SLC25A26: variants seen among roughly 807,000 people sequenced by gnomAD.
SLC25A26 encodes solute carrier family 25 member 26.
SLC25A26 carries 36 observed loss-of-function variants against 37.8 expected under a neutral mutation model. The ratio of observed to expected loss-of-function variants is 0.95; its 90% CI spans 0.73 to 1.26. The LOEUF is 1.26. Ranked by LOEUF, SLC25A26 falls within the 50% of genes most tolerant of loss-of-function variation. The pLI, the probability that SLC25A26 is intolerant of heterozygous loss-of-function variation, is 0.00. For missense variants in SLC25A26, 390 were observed against 331.1 expected, an observed-to-expected ratio of 1.18 and a Z score of -1.38; for synonymous variants, 129 against 122.5, an observed-to-expected ratio of 1.05 and a Z score of -0.35.
intron 1 of SLC25A26, among the ~76,000 whole-genome samples, chr3:66,193,148 AT>A (rs2106795072): frequency 6.6e-6 from 1 of 152,284 alleles, no homozygotes; most frequent in African/African-American, 2.4e-5. Context: ...TTTATTTAGT[AT>A]ACTGACAATT....
chr3:66,341,051 A>C (rs941541821), intron 5 of SLC25A26, among the ~76,000 whole-genome samples: 1 of 151,838 alleles, frequency 6.6e-6, no homozygotes, highest in African/African-American at 2.4e-5. Context: ...TTTGCTTTTT[A>C]TTTCTTTTAT....
chr3:66,144,208 G>A (rs888802574), intron 1 of SLC25A26, among the ~76,000 whole-genome samples: 1 of 152,028 alleles, frequency 6.6e-6, no homozygotes, highest in Admixed American at 6.6e-5. Context: ...TCCAAGCAGA[G>A]GGAAGAGACT....
chr3:66,257,319 A>G (rs939980904), intron 3 of SLC25A26, among the ~76,000 whole-genome samples: 5 of 152,184 alleles, frequency 3.3e-5, no homozygotes, highest in African/African-American at 1.2e-4. Context: ...ATAAATATAT[A>G]CATTATTATT....
At chr3:66,201,748 T>G (rs1396423329) in intron 1 of SLC25A26, among the ~76,000 whole-genome samples, 1 of 152,236 alleles carries the variant, frequency 6.6e-6, no homozygotes, top group Non-Finnish European at 1.5e-5. Flanking sequence ...GAATTGATGT[T>G]GCTGAGACAT....
At chr3:66,236,206 C>CTTT in intron 1 of SLC25A26, among the ~76,000 whole-genome samples, 1 of 82,908 alleles carries the variant, frequency 1.2e-5, no homozygotes, top group Admixed American at 1.3e-4. Context: ...CACATCTGGA[C>CTTT]TTTTTTTTTT....
intron 1 of SLC25A26, among the ~76,000 whole-genome samples, chr3:66,221,471 G>A (rs892378258): frequency 4.6e-5 from 7 of 152,186 alleles, no homozygotes; most frequent in African/African-American, 9.7e-5. Context: ...TTAAAGAAAT[G>A]TATGTAACAC....
rs141648208 is a variant in SLC25A26 at position 66,181,480 on chromosome 3, G to A, written c.-353-39262G>A. On this transcript the variant is annotated intron_variant, in intron 1 of 10. Coordinates refer to the SLC25A26 transcript ENST00000676754. ...GCAAACGGCACCCTAAAAAATGCTA[G>A]CTACGACACTGAGCACCTCATTTGT... 4.2e-3 allele frequency among the ~76,000 whole-genome samples: 646 copies of A among 152,302 alleles called. 4 individuals are homozygous for A. The highest frequency in any genetic ancestry group is 0.015 in the African/African-American group (616 of 41,566).
At chr3:66,345,172 C>A (rs1036585758) in intron 5 of SLC25A26, among the ~76,000 whole-genome samples, 8 of 152,124 alleles carry the variant, frequency 5.3e-5, no homozygotes, top group African/African-American at 1.9e-4. Flanking sequence ...ACGCATGACT[C>A]TCCTCCCTAG....
chr3:66,175,140 T>TACACACACACACAC (rs1227038410), intron 1 of SLC25A26, among the ~76,000 whole-genome samples: 1 of 67,048 alleles, frequency 1.5e-5, no homozygotes, highest in African/African-American at 6.4e-5. Flanking sequence ...TATATATATA[T>TACACACACACACAC]ACACACACAC....
intron 1 of SLC25A26, among the ~76,000 whole-genome samples, chr3:66,208,907 T>C (rs2071223361): frequency 7.9e-6 from 1 of 126,364 alleles, no homozygotes; most frequent in South Asian, 2.5e-4. Context: ...TGGGTATATA[T>C]ATATAAATGT....
intron 7 of SLC25A26, among the ~76,000 whole-genome samples, chr3:66,364,300 GGAGT>G (rs1287417083): frequency 3.3e-5 from 5 of 152,288 alleles, no homozygotes; most frequent in South Asian, 2.1e-4. Flanking sequence ...ACTGTCAGAA[GGAGT>G]GAGAGAAGGG....
At chr3:66,198,414 T>G (rs1426527140) in intron 1 of SLC25A26, among the ~76,000 whole-genome samples, 1 of 152,068 alleles carries the variant, frequency 6.6e-6, no homozygotes, top group Non-Finnish European at 1.5e-5. Context: ...CCATTTACTC[T>G]TGACCCTCAT....
chr3:66,366,959 C>T (rs1333861770), intron 7 of SLC25A26, among the ~76,000 whole-genome samples: 1 of 152,212 alleles, frequency 6.6e-6, no homozygotes, highest in African/African-American at 2.4e-5. Context: ...TAGTGCATTC[C>T]TGGCATGCCA....
At chr3:66,337,224 G>A (rs965321885) in intron 5 of SLC25A26, among the ~76,000 whole-genome samples, 1 of 152,078 alleles carries the variant, frequency 6.6e-6, no homozygotes, top group Non-Finnish European at 1.5e-5. Context: ...ATTTCTTTGT[G>A]TTCTGATATA....
At chr3:66,182,714 G>A (rs933593366) in intron 1 of SLC25A26, among the ~76,000 whole-genome samples, 4 of 95,446 alleles carry the variant, frequency 4.2e-5, no homozygotes, top group Admixed American at 1.3e-4. Flanking sequence ...TGCAGTGGGC[G>A]GCGGGGGGGG....
rs1441404165 is a variant in SLC25A26, at chr3:66,295,978, ATGGTGGCAGGCACCTG to A, written c.453+32601_453+32616del. Among the ~76,000 whole-genome samples the A allele has an allele frequency of 2.0e-5, 3 of 152,014 alleles. No individual in the cohort carries two copies. The East Asian group carries it at 5.9e-4, about 30-fold the overall frequency. On this transcript the variant is annotated intron_variant, in intron 5 of 9. Transcript: ENST00000354883. Reference sequence around the variant, plus strand: ...ATAAAAATACAAAAATTAGCTGGGCATGGTGGCAGGCACCTGTAATCCCAGCTACTCAGGAGGCTGA... The same window carrying A: ...ATAAAAATACAAAAATTAGCTGGGCATAATCCCAGCTACTCAGGAGGCTGA...
chr3:66,303,938 A>G (rs1229387069), intron 5 of SLC25A26, among the ~76,000 whole-genome samples: 1 of 152,196 alleles, frequency 6.6e-6, no homozygotes, highest in Non-Finnish European at 1.5e-5. Context: ...GATGGTGACC[A>G]CACTTTACTT....
chr3:66,313,436 G>A (rs1040160222), intron 5 of SLC25A26, among the ~76,000 whole-genome samples: 11 of 152,104 alleles, frequency 7.2e-5, no homozygotes, highest in African/African-American at 2.7e-4. Context: ...TTGTAGATGT[G>A]CCATCTTATT....
At chr3:66,340,887 TAA>T in intron 5 of SLC25A26, among the ~76,000 whole-genome samples, 1 of 150,960 alleles carries the variant, frequency 6.6e-6, no homozygotes, top group African/African-American at 2.4e-5. Context: ...TAATTTTTTG[TAA>T]AAAAAAAGTC....
Sources: gnomAD v4.1 joint callset for allele counts (sites outside exome capture counted in the v4.1 genomes callset) on GRCh38, gnomAD v4.1.1 for gene constraint, MANE v1.5 for transcripts, NCBI Gene and HGNC (gene_info 2026-07-23, HGNC 2026-07-21) for gene names.